The following C6orf89 variants were observed in gnomAD, a reference collection of about 807,000 sequenced individuals.
C6orf89 encodes the protein bombesin receptor-activated protein C6orf89.
C6orf89 carries 29 observed loss-of-function variants against 40.7 expected under a neutral mutation model. That is an observed-to-expected ratio of 0.71 (90% CI 0.53 to 0.97). C6orf89 has a LOEUF of 0.97. Ranked by LOEUF, C6orf89 falls within the 50% of genes least tolerant of loss-of-function variation. C6orf89 has a pLI of 0.00. For synonymous variants in C6orf89, 165 were observed against 152.2 expected (o/e 1.08, Z -0.62); for missense variants, 392 against 429.1 (o/e 0.91, Z 0.76).
chr6:36,901,318 A>ATTTTTTTTTTTTTTTTTTTT (rs1408790414), intron 3 of C6orf89, among the ~76,000 whole-genome samples: 5 of 65,126 alleles, frequency 7.7e-5, no homozygotes, highest in African/African-American at 1.3e-4. Context: ...TATTATTATT[A>ATTTTTTTTTTTTTTTTTTTT]TTATTTTTTT....
chr6:36,903,773 A>C (rs1486297384), intron 4 of C6orf89, among the ~76,000 whole-genome samples: 1 of 152,196 alleles, frequency 6.6e-6, no homozygotes, highest in East Asian at 1.9e-4. Context: ...TGAGGAAGTC[A>C]TGGAAAGGTT....
chr6:36,898,285 T>G (rs1263678298), intron 2 of C6orf89, among the ~76,000 whole-genome samples: 1 of 148,504 alleles, frequency 6.7e-6, no homozygotes, highest in African/African-American at 2.5e-5. Context: ...TTTCTTTTCT[T>G]TTTTTTTTTT....
At chr6:36,876,419 G>A (rs9470425) in intron 1 of C6orf89, among the ~76,000 whole-genome samples, 13,487 of 152,114 alleles carry the variant, frequency 0.089, 622 homozygotes, top group African/African-American at 0.11. Flanking sequence ...CGTGGAATGA[G>A]GACTGTAATA....
chr6:36,923,266 GGC>G, intron 8 of C6orf89, 79 bp from the exon 9 acceptor site: 1 of 999,730 alleles, frequency 1.0e-6, no homozygotes, highest in Non-Finnish European at 1.5e-6. Context: ...GGCCAGCTCT[GGC>G]AGACCTGCCT....
chr6:36,926,692 A>G lies in C6orf89; in HGVS notation c.*3251A>G, dbSNP rs1045303359. ...ATTTGTCTAGTACATTCCAGTTTAC[A>G]AAGTGCCTGATATACATGATCTCCT... On this transcript the variant is annotated 3_prime_UTR_variant, in exon 9 of 9. Coordinates refer to ENST00000480824, the MANE Select transcript of C6orf89 (RefSeq NM_001286635.2). 1 of 152,212 alleles carries G rather than the reference A, an allele frequency of 6.6e-6. No homozygotes were observed. The highest frequency in any genetic ancestry group is 1.9e-4 in the East Asian group (1 of 5,200). The allele number at this position is 152,212 out of a possible 1,614,324, so 9.4% of individuals were successfully genotyped here.
In C6orf89 at chr6:36,925,745, C is replaced by T. The variant is rs1053452471; in HGVS notation, c.*2304C>T. ...CTAGGGGTTGCCAGCCAGTCCCTTT[C>T]TGATGATCAAGGCCCTGCACAGCAG... On this transcript the variant is annotated 3_prime_UTR_variant, in exon 9 of 9. Coordinates refer to ENST00000480824, the MANE Select transcript of C6orf89 (RefSeq NM_001286635.2). 1.3e-5 allele frequency: 2 copies of T among 152,254 alleles called. No homozygotes were observed. Among genetic ancestry groups the T allele is most frequent in the African/African-American group, 2.4e-5 (1 of 41,456 alleles). The allele number at this position is 152,254 out of a possible 1,614,324, so 9.4% of individuals were successfully genotyped here. A position where few individuals can be genotyped will look rare whatever the true frequency, so the allele number is the denominator to read the frequency against.
At position 36,886,013 on chromosome 6, in the gene C6orf89, G is replaced by GT; in HGVS notation, c.-135_-134insT. The GT allele has an allele frequency of 8.0e-7, 1 of 1,257,496 alleles. No homozygotes were observed. Among genetic ancestry groups the GT allele is most frequent in the African/African-American group, 1.5e-5 (1 of 64,542 alleles). 77.9% of individuals were successfully genotyped at this position (1,257,496 alleles called of 1,614,324 possible). A position where few individuals can be genotyped will look rare whatever the true frequency, so the allele number is the denominator to read the frequency against. ...TCCCCGAGGCGGGAGGAGCCCGAGG[G>GT]GCGCGAGCCCCGCATGTGAGTGACT... is the stretch of plus-strand genomic sequence containing the variant. On this transcript the variant is annotated 5_prime_UTR_variant, in exon 1 of 9. Transcript: ENST00000480824.
intron 1 of C6orf89, chr6:36,871,998 T>C: frequency 7.8e-6 from 7 of 896,950 alleles, no homozygotes; most frequent in Non-Finnish European, 1.1e-5. Context: ...AACCACTGGA[T>C]TTCATGCTCA....
chr6:36,912,966 C>T (rs1228167526), intron 4 of C6orf89, among the ~76,000 whole-genome samples: 4 of 152,204 alleles, frequency 2.6e-5, no homozygotes, highest in Non-Finnish European at 4.4e-5. Flanking sequence ...ATTTGGTTGT[C>T]TGTTATCATT....
chr6:36,897,243 ATAG>A (rs1297469828), intron 2 of C6orf89, among the ~76,000 whole-genome samples: 1 of 152,084 alleles, frequency 6.6e-6, no homozygotes, highest in Non-Finnish European at 1.5e-5. Context: ...TAAAAATTAT[ATAG>A]CTGTCCCTTG....
intron 4 of C6orf89, among the ~76,000 whole-genome samples, chr6:36,913,761 G>A (rs924762655): frequency 6.6e-6 from 1 of 151,870 alleles, no homozygotes; most frequent in Admixed American, 6.6e-5. Flanking sequence ...ATACAGAGAA[G>A]AGTACCTCTC....
At chr6:36,906,537 C>T (rs1761932310) in intron 4 of C6orf89, among the ~76,000 whole-genome samples, 1 of 152,080 alleles carries the variant, frequency 6.6e-6, no homozygotes, top group Non-Finnish European at 1.5e-5. Flanking sequence ...TAAATTTTCA[C>T]ATTTAGAAAC....
chr6:36,880,694 T>C (rs1443417663), intron 2 of C6orf89, among the ~76,000 whole-genome samples: 1 of 152,242 alleles, frequency 6.6e-6, no homozygotes, highest in Non-Finnish European at 1.5e-5. Flanking sequence ...TCAATTTATT[T>C]TGGAGACATT....
At chr6:36,874,819 C>G (rs572559865) in intron 1 of C6orf89, 4 of 1,601,736 alleles carry the variant, frequency 2.5e-6, no homozygotes, top group Admixed American at 1.7e-5. Context: ...CTACTTCCGG[C>G]GTCGATTAGC....
chr6:36,877,073 C>A (rs939319022), intron 1 of C6orf89, among the ~76,000 whole-genome samples: 1 of 152,126 alleles, frequency 6.6e-6, no homozygotes, highest in Admixed American at 6.5e-5. Context: ...TGCCTGGCTT[C>A]CTTTCCTTAA....
chr6:36,904,601 G>T (rs1761856867), intron 4 of C6orf89, among the ~76,000 whole-genome samples: 1 of 152,120 alleles, frequency 6.6e-6, no homozygotes, highest in Non-Finnish European at 1.5e-5. Flanking sequence ...ACATGAGGGA[G>T]AATTAAGTGC....
intron 4 of C6orf89, among the ~76,000 whole-genome samples, chr6:36,911,555 T>C (rs1415196042): frequency 1.3e-5 from 2 of 152,096 alleles, no homozygotes; most frequent in Non-Finnish European, 2.9e-5. Context: ...AACTCTTAGG[T>C]TAAGAGCTGC....
At position 36,892,201 on chromosome 6, in the gene C6orf89, C is replaced by T. The variant is rs144765831; in HGVS notation, c.-119-2303C>T. ...GTGAAACAACTCCCTGGCTTACCTC[C>T]GACAGGCCTCTCTTGAAAGCAAGGT... On this transcript the variant is annotated intron_variant, in intron 1 of 8. Transcript: ENST00000480824. Among the ~76,000 whole-genome samples the T allele has an allele frequency of 3.7e-3, 569 of 152,280 alleles. 1 individual carries two copies. Among genetic ancestry groups the T allele is most frequent in the African/African-American group, 0.013 (533 of 41,548 alleles).
In C6orf89 at chr6:36,925,458, G is replaced by A. The variant is rs1357200519; in HGVS notation, c.*2017G>A. On this transcript the variant is annotated 3_prime_UTR_variant, in exon 9 of 9. Coordinates refer to ENST00000480824, the MANE Select transcript of C6orf89 (RefSeq NM_001286635.2). ...TCCATAAGAAACCCTTGCATGTGTT[G>A]GTATTCTGAGGCATCCCGTGGGAAA... 6.6e-6 allele frequency: 1 copy of A among 152,076 alleles called. No individual in the cohort carries two copies. Among genetic ancestry groups the A allele is most frequent in the East Asian group, 1.9e-4 (1 of 5,192 alleles). 9.4% of individuals were successfully genotyped at this position (152,076 alleles called of 1,614,324 possible).
Sources: gnomAD v4.1 joint callset for allele counts (sites outside exome capture counted in the v4.1 genomes callset) on GRCh38, gnomAD v4.1.1 for gene constraint, MANE v1.5 for transcripts, NCBI Gene and HGNC (gene_info 2026-07-23, HGNC 2026-07-21) for gene names.